Variants in EYS observed in about 807,000 individuals in gnomAD.
The protein encoded by EYS is EGF-like photoreceptor maintenance factor, also known as protein eyes shut homolog.
In EYS, 250 loss-of-function variants were observed where a neutral mutation model predicts 282.1. The ratio of observed to expected loss-of-function variants is 0.89; its 90% CI spans 0.80 to 0.98. The LOEUF (loss-of-function observed/expected upper bound fraction) is 0.98, where lower values mean the gene tolerates loss of function less well. Ranked by LOEUF, EYS falls within the 50% of genes least tolerant of loss-of-function variation. The pLI, the probability that EYS is intolerant of heterozygous loss-of-function variation, is 0.00. For missense variants in EYS, 4,016 were observed against 3,709.0 expected, an observed-to-expected ratio of 1.08 and a Z score of -2.15; for synonymous variants, 1,355 against 1,282.9, an observed-to-expected ratio of 1.06 and a Z score of -1.20.
chr6:65,513,376 T>C (rs1766977958), intron 2 of EYS, among the ~76,000 whole-genome samples: 1 of 152,106 alleles, frequency 6.6e-6, no homozygotes. Flanking sequence ...GAGGAACTGG[T>C]ACCATTCCTT....
At chr6:64,346,693 A>C (rs549119867) in intron 29 of EYS, among the ~76,000 whole-genome samples, 1 of 151,984 alleles carries the variant, frequency 6.6e-6, no homozygotes, top group South Asian at 2.1e-4. Flanking sequence ...CCTAAAACTT[A>C]AAGTATAATA....
intron 29 of EYS, among the ~76,000 whole-genome samples, chr6:64,376,726 A>G (rs1480564624): frequency 2.0e-5 from 3 of 152,222 alleles, no homozygotes; most frequent in African/African-American, 7.2e-5. Context: ...CTTTAGACTA[A>G]TTGGTACAAA....
intron 28 of EYS, among the ~76,000 whole-genome samples, chr6:64,394,662 T>C (rs891759896): frequency 5.4e-4 from 82 of 151,748 alleles, no homozygotes; most frequent in Non-Finnish European, 1.1e-3. Flanking sequence ...ACATTAGACC[T>C]AAAACCATAA....
chr6:64,095,851 G>C (rs1309090719), intron 31 of EYS, among the ~76,000 whole-genome samples: 2 of 152,098 alleles, frequency 1.3e-5, no homozygotes, highest in African/African-American at 4.8e-5. Flanking sequence ...TCCTAGCCTC[G>C]ATGGTCTTTA....
chr6:64,703,732 CTG>C (rs944791008), intron 22 of EYS, among the ~76,000 whole-genome samples: 1 of 151,960 alleles, frequency 6.6e-6, no homozygotes, highest in African/African-American at 2.4e-5. Context: ...ACCACGCAAA[CTG>C]TGGTAATTGT....
intron 29 of EYS, among the ~76,000 whole-genome samples, chr6:64,366,431 A>G (rs1772181978): frequency 6.6e-6 from 1 of 152,044 alleles, no homozygotes. Context: ...AGACCAACCA[A>G]ATGGCTGAAC....
chr6:64,795,189 C>T (rs907430477), intron 22 of EYS, among the ~76,000 whole-genome samples: 1 of 149,708 alleles, frequency 6.7e-6, no homozygotes, highest in Admixed American at 6.7e-5. Context: ...GAGCTGAGAT[C>T]ACATCATTGC....
In EYS at chr6:64,851,327, A is replaced by T. The variant is rs1330892872; in HGVS notation, c.2993-28505T>A. Among the ~76,000 whole-genome samples the T allele has an allele frequency of 2.0e-5, 3 of 152,000 alleles. No homozygotes were observed. In the East Asian group the frequency reaches 5.8e-4, roughly 29 times the overall value. On this transcript the variant is annotated intron_variant, in intron 19 of 42. Transcript: ENST00000503581. ...CTCCTTTGTTTCGTGATTTTTTTTA[A>T]AAAAATAAGGACATCCATGCCTATC...
intron 26 of EYS, among the ~76,000 whole-genome samples, chr6:64,523,514 A>G (rs916339901): frequency 6.6e-6 from 1 of 151,822 alleles, no homozygotes; most frequent in Non-Finnish European, 1.5e-5. Flanking sequence ...CTGTATATTT[A>G]GTAAAATTCC....
chr6:64,059,972 AAATT>A (rs548419447), intron 33 of EYS, among the ~76,000 whole-genome samples: 211 of 152,300 alleles, frequency 1.4e-3, no homozygotes, highest in African/African-American at 4.1e-3. Context: ...AAAGATACAC[AAATT>A]AATATTGAAG....
rs544431030 is a variant in EYS, at chr6:64,867,471, T to C, written c.2992+19226A>G. On this transcript the variant is annotated intron_variant, in intron 19 of 42. Coordinates refer to ENST00000503581, the MANE Select transcript of EYS (RefSeq NM_001142800.2). ...CATTCTATCTTTTTCCTATTGCTTT[T>C]CTTGACTAACCTATCAGGCAGGTGA... Among the ~76,000 whole-genome samples the C allele has an allele frequency of 2.0e-5, 3 of 151,838 alleles. No homozygotes were observed. The East Asian group carries it at 5.8e-4, about 29-fold the overall frequency.
Position 63,876,264 on chromosome 6 carries a change from C to T in EYS, c.7056-11906G>A, listed in dbSNP as rs538563339. On this transcript the variant is annotated intron_variant, in intron 35 of 42. Coordinates refer to ENST00000503581, the MANE Select transcript of EYS (RefSeq NM_001142800.2). Reference sequence around the variant, plus strand: ...CATTCAGGAGCAGGTTGTTCAGTTTCCATGTAGTTGAGCGGTTTTGACTGA... The same window carrying T: ...CATTCAGGAGCAGGTTGTTCAGTTTTCATGTAGTTGAGCGGTTTTGACTGA... Among the ~76,000 whole-genome samples, 12 of 152,294 alleles carry T rather than the reference C, an allele frequency of 7.9e-5. No individual in the cohort carries two copies. In the South Asian group the frequency reaches 2.3e-3, roughly 29 times the overall value.
intron 7 of EYS, among the ~76,000 whole-genome samples, chr6:65,386,545 G>A (rs1765811157): frequency 6.6e-6 from 1 of 151,796 alleles, no homozygotes; most frequent in Non-Finnish European, 1.5e-5. Flanking sequence ...TATCAACTCA[G>A]CCTGCTGTCA....
At chr6:64,643,502 C>G (rs1047071190) in intron 22 of EYS, among the ~76,000 whole-genome samples, 1 of 152,132 alleles carries the variant, frequency 6.6e-6, no homozygotes, top group Non-Finnish European at 1.5e-5. Context: ...CCCACGTGGT[C>G]CTGGGCAGAG....
intron 22 of EYS, among the ~76,000 whole-genome samples, chr6:64,753,432 A>G (rs1241156591): frequency 6.6e-6 from 1 of 152,000 alleles, no homozygotes; most frequent in Non-Finnish European, 1.5e-5. Flanking sequence ...AAGATATGCC[A>G]ATGGAAACCA....
chr6:64,644,657 T>C (rs533781594), intron 22 of EYS, among the ~76,000 whole-genome samples: 30 of 152,270 alleles, frequency 2.0e-4, no homozygotes, highest in Non-Finnish European at 3.5e-4. Context: ...GAAAAGATGA[T>C]GAGCAAGGAA....
chr6:65,370,009 A>G (rs1765075392), intron 8 of EYS, among the ~76,000 whole-genome samples: 1 of 151,652 alleles, frequency 6.6e-6, no homozygotes, highest in African/African-American at 2.4e-5. Context: ...TTTGGGGTAC[A>G]ATCAGAAGAT....
chr6:65,165,746 A>C (rs1177033410), intron 12 of EYS, among the ~76,000 whole-genome samples: 1 of 151,106 alleles, frequency 6.6e-6, no homozygotes, highest in East Asian at 2.0e-4. Flanking sequence ...AGGGAAAAAA[A>C]AGTAAGACAA....
At chr6:64,019,812 G>GTGTATATATGAGTATATATATATATA in intron 33 of EYS, among the ~76,000 whole-genome samples, 1 of 140,762 alleles carries the variant, frequency 7.1e-6, no homozygotes, top group African/African-American at 2.8e-5. Context: ...AGATTAGAAT[G>GTGTATATATGAGTATATATATATATA]TGTATATATA....
Sources: gnomAD v4.1 joint callset for allele counts (sites outside exome capture counted in the v4.1 genomes callset) on GRCh38, gnomAD v4.1.1 for gene constraint, MANE v1.5 for transcripts, NCBI Gene and HGNC (gene_info 2026-07-23, HGNC 2026-07-21) for gene names.